The following RBM33 variants were observed in gnomAD, a reference collection of about 807,000 sequenced individuals.
The protein encoded by RBM33 is RNA-binding protein 33.
A neutral mutation model predicts 132.6 loss-of-function variants in RBM33; 28 were observed. That is an observed-to-expected ratio of 0.21 (90% confidence interval 0.16 to 0.29). RBM33 has a LOEUF of 0.29. Ranked by LOEUF, RBM33 falls within the 10% of genes least tolerant of loss-of-function variation. The pLI, the probability that RBM33 is intolerant of heterozygous loss-of-function variation, is 1.00. For missense variants in RBM33, 1,291 were observed against 1,518.5 expected (o/e 0.85, Z 2.49); for synonymous variants, 634 against 593.0 (o/e 1.07, Z -1.01).
At chr7:155,766,805 TAGTATC>T (rs1175010713) in intron 16 of RBM33, 150 bp downstream of exon 16, 8 of 740,360 alleles carry the variant, frequency 1.1e-5, no homozygotes, top group South Asian at 3.4e-5. Flanking sequence ...TGTGCATACT[TAGTATC>T]AGAACATTTG....
chr7:155,685,740 C>G (rs1467130112), intron 5 of RBM33, among the ~76,000 whole-genome samples: 3 of 152,212 alleles, frequency 2.0e-5, no homozygotes, highest in African/African-American at 7.2e-5. Flanking sequence ...CCAGAACTAG[C>G]TGCTGTGGGC....
Position 155,650,031 on chromosome 7 carries a change from A to G in RBM33, c.43+5112A>G, listed in dbSNP as rs193299455. Among the ~76,000 whole-genome samples, 644 of 152,114 alleles carry G rather than the reference A, an allele frequency of 4.2e-3. 5 individuals carry two copies. Among genetic ancestry groups the G allele is most frequent in the Non-Finnish European group, 7.4e-3 (501 of 67,966 alleles). On this transcript the variant is annotated intron_variant, in intron 1 of 17. Transcript: ENST00000401878. ...ATACATGGGAGCCCCCAACACTCTC[A>G]TTCCTTCATATATTTTCCTCCTCAG...
chr7:155,714,300 C>T (rs560487851), intron 8 of RBM33, among the ~76,000 whole-genome samples: 1 of 152,148 alleles, frequency 6.6e-6, no homozygotes, highest in Admixed American at 6.5e-5. Context: ...AAGGTAGATG[C>T]CAGGGAGGAG....
At chr7:155,770,417 A>T (rs1802382356) in intron 16 of RBM33, among the ~76,000 whole-genome samples, 1 of 152,210 alleles carries the variant, frequency 6.6e-6, no homozygotes, top group Non-Finnish European at 1.5e-5. Context: ...AGAAATGCTT[A>T]GCAGGCTCAC....
chr7:155,707,271 TAAG>T, intron 7 of RBM33: 1 of 678,256 alleles, frequency 1.5e-6, no homozygotes, highest in Admixed American at 2.1e-5. Context: ...CATCTGGTAG[TAAG>T]AAATCATCCT....
At chr7:155,715,370 A>T (rs1172119178) in intron 8 of RBM33, among the ~76,000 whole-genome samples, 21 of 152,182 alleles carry the variant, frequency 1.4e-4, no homozygotes, top group Admixed American at 1.4e-3. Context: ...AGCTGGTAAT[A>T]CGTACAGATT....
intron 7 of RBM33, 39 bp downstream of exon 7, chr7:155,707,107 G>T: frequency 1.4e-6 from 2 of 1,475,678 alleles, no homozygotes; most frequent in South Asian, 2.5e-5. Context: ...TAGAACTTCA[G>T]AACAAATGGC....
intron 1 of RBM33, among the ~76,000 whole-genome samples, chr7:155,657,177 T>C (rs1798516066): frequency 6.6e-6 from 1 of 152,208 alleles, no homozygotes; most frequent in Non-Finnish European, 1.5e-5. Context: ...GAAAATACTT[T>C]AATTATTTTT....
chr7:155,756,881 C>G (rs1441026180), intron 14 of RBM33, among the ~76,000 whole-genome samples: 1 of 152,098 alleles, frequency 6.6e-6, no homozygotes, highest in East Asian at 1.9e-4. Flanking sequence ...TTTCCTTTCC[C>G]CAGCATGGCT....
intron 14 of RBM33, among the ~76,000 whole-genome samples, chr7:155,756,715 C>T (rs764744701): frequency 1.1e-4 from 17 of 152,054 alleles, no homozygotes; most frequent in African/African-American, 2.9e-4. Flanking sequence ...GTGTGCCGCC[C>T]GTGAGTTGGA....
At chr7:155,735,691 GTCTCTCTC>G (rs10556581) in intron 9 of RBM33, among the ~76,000 whole-genome samples, 16 of 146,566 alleles carry the variant, frequency 1.1e-4, no homozygotes, top group African/African-American at 2.2e-4. Context: ...GCAAGACCCT[GTCTCTCTC>G]TCTCTCTCTC....
chr7:155,703,175 C>T (rs1800016300), intron 6 of RBM33, among the ~76,000 whole-genome samples: 1 of 152,242 alleles, frequency 6.6e-6, no homozygotes, highest in Non-Finnish European at 1.5e-5. Context: ...CCTGCATCTC[C>T]TTCTTCTCAG....
rs116465427 is a variant in RBM33 at position 155,682,591 on chromosome 7, A to G, written c.567+1683A>G. Among the ~76,000 whole-genome samples the G allele has an allele frequency of 7.0e-3, 1,065 of 152,292 alleles. 18 individuals carry two copies. Among genetic ancestry groups the G allele is most frequent in the African/African-American group, 0.024 (1,001 of 41,532 alleles). On this transcript the variant is annotated intron_variant, in intron 5 of 17. Transcript: ENST00000401878. The stretch of plus-strand genomic sequence containing the variant: ...TCGTCCTGGGTTCTTTCCTCCTGTA[A>G]GTTCAGCAGTCCAACAAGTCTTTAC...
chr7:155,659,890 C>T (rs1409503446), intron 1 of RBM33, among the ~76,000 whole-genome samples: 1 of 152,184 alleles, frequency 6.6e-6, no homozygotes, highest in African/African-American at 2.4e-5. Context: ...TGTTGGCTTC[C>T]TGCATTCCTT....
At chr7:155,683,713 T>C (rs1799398229) in intron 5 of RBM33, among the ~76,000 whole-genome samples, 1 of 152,210 alleles carries the variant, frequency 6.6e-6, no homozygotes, top group Non-Finnish European at 1.5e-5. Context: ...ATTATATTAG[T>C]AAGGAGTGTA....
chr7:155,753,224 ATTC>A (rs1801739346), intron 14 of RBM33, among the ~76,000 whole-genome samples: 1 of 152,250 alleles, frequency 6.6e-6, no homozygotes, highest in Non-Finnish European at 1.5e-5. Flanking sequence ...ATCATTACTA[ATTC>A]TTCTGGGCAT....
At chr7:155,698,381 A>T (rs1585453176) in intron 5 of RBM33, among the ~76,000 whole-genome samples, 1 of 146,590 alleles carries the variant, frequency 6.8e-6, no homozygotes, top group African/African-American at 2.5e-5. Flanking sequence ...AAAAAAAAAA[A>T]TTATACAGGA....
At chr7:155,773,249 C>G (rs10254914) in intron 16 of RBM33, among the ~76,000 whole-genome samples, 38,290 of 152,106 alleles carry the variant, frequency 0.25, 5,276 homozygotes, top group African/African-American at 0.36. Flanking sequence ...CATGCCAGGA[C>G]CTGCCCAGGG....
intron 2 of RBM33, among the ~76,000 whole-genome samples, chr7:155,671,860 A>AT (rs1176016787): frequency 1.3e-5 from 2 of 152,308 alleles, no homozygotes; most frequent in Middle Eastern, 3.4e-3. Context: ...AGTGGTAGCC[A>AT]TTTTTATCAA....
Sources: gnomAD v4.1 joint callset for allele counts (sites outside exome capture counted in the v4.1 genomes callset) on GRCh38, gnomAD v4.1.1 for gene constraint, MANE v1.5 for transcripts, NCBI Gene and HGNC (gene_info 2026-07-23, HGNC 2026-07-21) for gene names.